The following THRB variants were observed in gnomAD, a reference collection of about 807,000 sequenced individuals.
THRB encodes the protein nuclear receptor subfamily 1 group A member 2.
THRB carries 12 observed loss-of-function variants against 47.8 expected under a neutral mutation model. That is an observed-to-expected ratio of 0.25 (90% CI 0.16 to 0.41). THRB has a LOEUF of 0.41. Among genes scored for constraint, THRB ranks in the 10% least tolerant of loss-of-function variants. The probability of loss-of-function intolerance (pLI) is 1.00; values close to 1 mark genes in which losing one functional copy is unlikely to be tolerated. For synonymous variants in THRB, 218 were observed against 212.2 expected, an observed-to-expected ratio of 1.03 and a Z score of -0.24; for missense variants, 348 against 589.2, an observed-to-expected ratio of 0.59 and a Z score of 4.24.
chr3:24,477,370 G>A (rs78700482), intron 1 of THRB, among the ~76,000 whole-genome samples: 3,839 of 152,170 alleles, frequency 0.025, 92 homozygotes, highest in East Asian at 0.089. Context: ...TTCATTAGAA[G>A]TAGAAAAGTA....
intron 3 of THRB, among the ~76,000 whole-genome samples, chr3:24,261,725 A>G (rs191294378): frequency 6.6e-6 from 1 of 152,264 alleles, no homozygotes; most frequent in East Asian, 1.9e-4. Flanking sequence ...CATATTGCCA[A>G]ATCCTATGCA....
At chr3:24,162,050 C>T (rs748207437) in intron 5 of THRB, among the ~76,000 whole-genome samples, 7 of 152,052 alleles carry the variant, frequency 4.6e-5, no homozygotes, top group Non-Finnish European at 7.4e-5. Flanking sequence ...CAGACTAAAT[C>T]GAGAGGTTGA....
chr3:24,167,062 T>C (rs1379841035), intron 5 of THRB, among the ~76,000 whole-genome samples: 1 of 152,154 alleles, frequency 6.6e-6, no homozygotes, highest in Non-Finnish European at 1.5e-5. Context: ...TACAGTCAAG[T>C]GGACCACCAT....
intron 3 of THRB, among the ~76,000 whole-genome samples, chr3:24,275,595 G>A (rs1010491758): frequency 3.9e-5 from 6 of 152,168 alleles, no homozygotes; most frequent in Admixed American, 3.3e-4. Context: ...GTTTTGGGGG[G>A]CCATACTTCT....
intron 1 of THRB, among the ~76,000 whole-genome samples, chr3:24,399,236 A>G (rs1001117728): frequency 7.9e-5 from 12 of 152,052 alleles, no homozygotes; most frequent in Non-Finnish European, 1.6e-4. Flanking sequence ...ATTAAAAAAA[A>G]AAAAAGAAAA....
chr3:24,476,495 T>C lies in THRB; in HGVS notation c.-261+18157A>G, dbSNP rs145322581. Reference sequence around the variant, plus strand: ...AAAAATTAAAATGAAAAATTTACTTTTTAAATCTGCAAAGCTAAATGAGTG... The same window carrying C: ...AAAAATTAAAATGAAAAATTTACTTCTTAAATCTGCAAAGCTAAATGAGTG... On this transcript the variant is annotated intron_variant, in intron 1 of 10. Coordinates refer to ENST00000646209, the MANE Select transcript of THRB (RefSeq NM_001354712.2). Among the ~76,000 whole-genome samples the C allele has an allele frequency of 1.4e-4, 21 of 152,364 alleles. No individual in the cohort carries two copies. In the East Asian group the frequency reaches 3.5e-3, roughly 25 times the overall value.
At chr3:24,128,085 CT>C (rs1157485084) in intron 9 of THRB, among the ~76,000 whole-genome samples, 1 of 152,182 alleles carries the variant, frequency 6.6e-6, no homozygotes, top group Non-Finnish European at 1.5e-5. Context: ...ATAACTTCAA[CT>C]GATAACTGCT....
intron 1 of THRB, among the ~76,000 whole-genome samples, chr3:24,375,351 A>AATATTAATATATTATATTTAGACAT (rs1156773963): frequency 1.3e-3 from 186 of 141,276 alleles, no homozygotes; most frequent in African/African-American, 4.6e-3. Context: ...TTAGACATAT[A>AATATTAATATATTATATTTAGACAT]ATATTAATAT....
At chr3:24,333,341 A>G (rs1440698333) in intron 2 of THRB, among the ~76,000 whole-genome samples, 1 of 152,236 alleles carries the variant, frequency 6.6e-6, no homozygotes, top group Non-Finnish European at 1.5e-5. Context: ...AGCAAGAGAG[A>G]GAAAAGAAAG....
intron 5 of THRB, among the ~76,000 whole-genome samples, chr3:24,159,515 A>G (rs1341530471): frequency 6.6e-6 from 1 of 152,218 alleles, no homozygotes; most frequent in East Asian, 1.9e-4. Flanking sequence ...CCATTTTGAC[A>G]GACGTCAATA....
chr3:24,298,462 C>G (rs769394756), intron 2 of THRB, among the ~76,000 whole-genome samples: 3 of 152,142 alleles, frequency 2.0e-5, no homozygotes, highest in Non-Finnish European at 2.9e-5. Context: ...AATTAAGAGG[C>G]CAATAGTATT....
chr3:24,143,936 A>C, intron 7 of THRB: 4 of 580,404 alleles, frequency 6.9e-6, no homozygotes, highest in Non-Finnish European at 9.2e-6. Flanking sequence ...CCAGCTTTTC[A>C]AAACAAAGTC....
At chr3:24,293,570 A>G (rs1229445866) in intron 3 of THRB, among the ~76,000 whole-genome samples, 1 of 152,212 alleles carries the variant, frequency 6.6e-6, no homozygotes, top group African/African-American at 2.4e-5. Flanking sequence ...TATCTGTCCC[A>G]TGAACATTTT....
intron 3 of THRB, among the ~76,000 whole-genome samples, chr3:24,233,523 A>G (rs1576163107): frequency 7.0e-6 from 1 of 143,620 alleles, no homozygotes; most frequent in Admixed American, 7.0e-5. Flanking sequence ...GGAGGGAAGG[A>G]AGGAAGGAAA....
At chr3:24,265,603 A>T (rs2052570024) in intron 3 of THRB, among the ~76,000 whole-genome samples, 1 of 152,220 alleles carries the variant, frequency 6.6e-6, no homozygotes, top group Non-Finnish European at 1.5e-5. Context: ...TAAGGCAAAG[A>T]ATACTTATCT....
At chr3:24,381,050 G>C (rs1483160553) in intron 1 of THRB, among the ~76,000 whole-genome samples, 2 of 150,864 alleles carry the variant, frequency 1.3e-5, no homozygotes, top group East Asian at 3.9e-4. Context: ...GGGAGGCGGA[G>C]GTTGCAGTGG....
rs58278848 is a variant in THRB at position 24,286,488 on chromosome 3, C to T, written c.-43+10738G>A. Among the ~76,000 whole-genome samples the T allele has an allele frequency of 8.3e-3, 1,270 of 152,260 alleles. 20 individuals carry two copies. The highest frequency in any genetic ancestry group is 0.029 in the African/African-American group (1,191 of 41,560). ...AGAGAGGAATTTTGTACATAAGAGA[C>T]TTAATGCATATGGTTTAAGATTTCA... is the stretch of plus-strand genomic sequence containing the variant. On this transcript the variant is annotated intron_variant, in intron 3 of 10. Coordinates refer to ENST00000646209, the MANE Select transcript of THRB (RefSeq NM_001354712.2).
chr3:24,174,579 T>C (rs552974049), intron 5 of THRB, among the ~76,000 whole-genome samples: 8 of 152,294 alleles, frequency 5.3e-5, no homozygotes, highest in Admixed American at 3.9e-4. Flanking sequence ...GTTTTTAAGA[T>C]AAAGCTTAAA....
intron 2 of THRB, among the ~76,000 whole-genome samples, chr3:24,327,988 A>T (rs1469290764): frequency 6.6e-6 from 1 of 152,242 alleles, no homozygotes; most frequent in African/African-American, 2.4e-5. Flanking sequence ...CCCTATAGGA[A>T]ATGGGTGCAT....
Sources: allele counts gnomAD v4.1 joint callset (sites outside exome capture counted in the v4.1 genomes callset), GRCh38; gene constraint gnomAD v4.1.1; transcripts MANE v1.5; gene names NCBI Gene and HGNC (gene_info 2026-07-23, HGNC 2026-07-21).